ARL10: variants seen among roughly 807,000 people sequenced by gnomAD.
ARL10 encodes ARF like GTPase 10.
A neutral mutation model predicts 26.1 loss-of-function variants in ARL10; 23 were observed. The observed-to-expected ratio is 0.88, with a 90% CI of 0.63 to 1.25. The LOEUF (loss-of-function observed/expected upper bound fraction) is 1.25. ARL10 is among the 50% of genes most tolerant of loss of function. ARL10 has a pLI of 0.00. For missense variants in ARL10, 300 were observed against 323.6 expected (o/e 0.93, Z 0.56); for synonymous variants, 138 against 149.1 (o/e 0.93, Z 0.54).
Position 176,378,332 on chromosome 5 carries a change from A to G in ARL10, c.*6437A>G, listed in dbSNP as rs940760432. ...GGGCAGTCCCTTGATATTCAGGTTC[A>G]GCTTTCCATGTATGGGCTTCAATCT... On this transcript the variant is annotated 3_prime_UTR_variant, in exon 4 of 4. Transcript: ENST00000310389. 5.3e-5 allele frequency: 8 copies of G among 152,236 alleles called. No individual in the cohort carries two copies. Among genetic ancestry groups the G allele is most frequent in the African/African-American group, 1.9e-4 (8 of 41,462 alleles). The allele number at this position is 152,236 out of a possible 1,614,324, so 9.4% of individuals were successfully genotyped here.
chr5:176,386,613 C>G, downstream of ARL10: 1 of 635,428 alleles, frequency 1.6e-6, no homozygotes, highest in East Asian at 3.0e-5. Flanking sequence ...GGTACATCCT[C>G]CCTAAACATC....
downstream of ARL10, among the ~76,000 whole-genome samples, chr5:176,402,411 G>A (rs1182459664): frequency 6.6e-6 from 1 of 152,294 alleles, no homozygotes. Context: ...TCCTCTATTC[G>A]TGCACTCTTG....
downstream of ARL10, among the ~76,000 whole-genome samples, chr5:176,391,015 T>G (rs969273511): frequency 9.9e-5 from 15 of 151,888 alleles, no homozygotes; most frequent in Non-Finnish European, 1.6e-4. Context: ...TCTTCCCGAG[T>G]GATTGTACTG....
In ARL10 at chr5:176,366,559, C is replaced by T. The variant is rs1464215257; in HGVS notation, c.363C>T (p.Asp121=). 1.2e-6 allele frequency: 2 copies of T among 1,614,160 alleles called. No individual in the cohort carries two copies. The highest frequency in any genetic ancestry group is 1.7e-6 in the Non-Finnish European group (2 of 1,180,030). The change falls in exon 2 of 4, where the codon GAC becomes GAT. Residue 121 remains aspartate, a synonymous_variant. Coordinates refer to ENST00000310389, the MANE Select transcript of ARL10 (RefSeq NM_173664.6). ...GFNSVRLPTK[D]FEVDLLEIGG... ...ACTCCGTGCGTCTGCCCACCAAGGACTTTGAGGTGGACCTGCTAGAAAGTG... is the reference window on the plus strand; with the variant it reads ...ACTCCGTGCGTCTGCCCACCAAGGATTTTGAGGTGGACCTGCTAGAAAGTG...
chr5:176,399,756 G>A (rs1756719807), intron 1 of ARL10, among the ~76,000 whole-genome samples: 1 of 151,660 alleles, frequency 6.6e-6, no homozygotes, highest in South Asian at 2.1e-4. Flanking sequence ...TTAGCCAGGT[G>A]TAATGGCTGC....
chr5:176,389,458 G>C, downstream of ARL10: 1 of 1,614,112 alleles, frequency 6.2e-7, no homozygotes, highest in South Asian at 1.1e-5. Context: ...CAGCCATCTT[G>C]CTGGGTCTGG....
intron 3 of ARL10, chr5:176,369,296 G>T (rs1204212684): frequency 9.2e-7 from 1 of 1,089,742 alleles, no homozygotes; most frequent in African/African-American, 1.6e-5. Flanking sequence ...GCAGTGGTGT[G>T]ATCTCGGCTC....
downstream of ARL10, chr5:176,406,838 G>A (rs1265379770): frequency 4.9e-6 from 3 of 617,036 alleles, no homozygotes; most frequent in Non-Finnish European, 6.8e-6. Flanking sequence ...CAATCCTAAA[G>A]AGCTGGGGCT....
At chr5:176,397,920 C>T (rs1213303309) in intron 1 of ARL10, 4 of 1,612,280 alleles carry the variant, frequency 2.5e-6, no homozygotes, top group South Asian at 1.1e-5. Context: ...CGCCTCAGCC[C>T]CGCCCTCACC....
intron 1 of ARL10, among the ~76,000 whole-genome samples, chr5:176,400,745 G>A (rs925614736): frequency 3.9e-5 from 6 of 152,070 alleles, no homozygotes; most frequent in East Asian, 1.9e-4. Context: ...ATGACTGCCC[G>A]CGTTGTTTGA....
chr5:176,394,592 C>A (rs12659626), intron 1 of ARL10, among the ~76,000 whole-genome samples: 526 of 148,984 alleles, frequency 3.5e-3, no homozygotes, highest in East Asian at 5.2e-3. Flanking sequence ...CCAAGGTGGG[C>A]GGATCACGAG....
intron 1 of ARL10, chr5:176,397,495 G>A (rs1756591458): frequency 3.0e-6 from 1 of 335,380 alleles, no homozygotes; most frequent in Non-Finnish European, 4.5e-6. Flanking sequence ...GCTCCCTCAT[G>A]TCCCCACCCC....
chr5:176,369,627 G>C (rs1768469306), intron 3 of ARL10, among the ~76,000 whole-genome samples: 1 of 152,146 alleles, frequency 6.6e-6, no homozygotes, highest in African/African-American at 2.4e-5. Flanking sequence ...GGACAGGCTA[G>C]TCTTATAATC....
Position 176,372,563 on chromosome 5 carries a change from T to C in ARL10, c.*668T>C, listed in dbSNP as rs957416286. On this transcript the variant is annotated 3_prime_UTR_variant, in exon 4 of 4. Transcript: ENST00000310389. ...AGCTTTCTGAAGACCTCCCTGCCTT[T>C]CCCTGAGCCCAGGCCTGGCCTGCCA... 8 of 206,230 alleles carry C rather than the reference T, an allele frequency of 3.9e-5. No homozygotes were observed. The highest frequency in any genetic ancestry group is 7.7e-5 in the Non-Finnish European group (8 of 103,936). The allele number at this position is 206,230 out of a possible 1,614,324, so 12.8% of individuals were successfully genotyped here. A position where few individuals can be genotyped will look rare whatever the true frequency, so the allele number is the denominator to read the frequency against.
downstream of ARL10, chr5:176,384,863 T>C: frequency 2.0e-6 from 1 of 491,702 alleles, no homozygotes; most frequent in Non-Finnish European, 3.6e-6. Flanking sequence ...CAGCTAATCC[T>C]ACTTGGGCCC....
At chr5:176,388,242 T>G in intron 1 of ARL10, 1 of 1,610,846 alleles carries the variant, frequency 6.2e-7, no homozygotes, top group Non-Finnish European at 8.5e-7. Flanking sequence ...TACCTTTCTC[T>G]TACGGAGGGG....
Position 176,368,681 on chromosome 5 carries a change from A to AGTGAGCGG in ARL10, c.386-124_386-117dup, listed in dbSNP as rs1325661199. ...GCAGGGTGGGGTGGGGGCTGTGGGC[A>AGTGAGCGG]GTGAGCGGGGGCCCGGGGTGGGGTG... On this transcript the variant is annotated intron_variant, in intron 2 of 3. Transcript: ENST00000310389. The surrounding 1 kb of genome is among the most constrained non-coding windows in gnomAD (Gnocchi z 4.1). 7.7e-6 allele frequency: 8 copies of AGTGAGCGG among 1,043,382 alleles called. No homozygotes were observed. The Admixed American group carries it at 1.5e-4, about 19-fold the overall frequency. 64.6% of individuals were successfully genotyped at this position (1,043,382 alleles called of 1,614,324 possible). A position where few individuals can be genotyped will look rare whatever the true frequency, so the allele number is the denominator to read the frequency against.
At chr5:176,403,357 C>A (rs1409657518), downstream of ARL10, among the ~76,000 whole-genome samples, 1 of 150,856 alleles carries the variant, frequency 6.6e-6, no homozygotes, top group Non-Finnish European at 1.5e-5. Context: ...GCCAAGCCTG[C>A]CCTAAATTAA....
chr5:176,368,690 G>T lies in ARL10; in HGVS notation c.386-117G>T. On this transcript the variant is annotated intron_variant, in intron 2 of 3. Coordinates refer to ENST00000310389, the MANE Select transcript of ARL10 (RefSeq NM_173664.6). The surrounding 1 kb of genome is among the most constrained non-coding windows in gnomAD (Gnocchi z 4.1). ...GGTGGGGGCTGTGGGCAGTGAGCGG[G>T]GGCCCGGGGTGGGGTGGGGGCTGTG... 8.0e-7 allele frequency: 1 copy of T among 1,254,808 alleles called. No individual in the cohort carries two copies. The highest frequency in any genetic ancestry group is 1.1e-6 in the Non-Finnish European group (1 of 942,042). The allele number at this position is 1,254,808 out of a possible 1,614,324, so 77.7% of individuals were successfully genotyped here. A position where few individuals can be genotyped will look rare whatever the true frequency, so the allele number is the denominator to read the frequency against.
Sources: allele counts gnomAD v4.1 joint callset (sites outside exome capture counted in the v4.1 genomes callset), GRCh38; gene constraint gnomAD v4.1.1; non-coding constraint Gnocchi (gnomAD v3.1); transcripts MANE v1.5; gene names NCBI Gene and HGNC (gene_info 2026-07-23, HGNC 2026-07-21).